TRRAP: variants seen among roughly 807,000 people sequenced by gnomAD.
The protein encoded by TRRAP is transformation/transcription domain-associated protein.
Under a neutral mutation model 438.8 loss-of-function variants are expected in TRRAP, and 41 were observed. The ratio of observed to expected loss-of-function variants is 0.09; its 90% CI spans 0.07 to 0.12. The LOEUF (loss-of-function observed/expected upper bound fraction) is 0.12. Among genes scored for constraint, TRRAP ranks in the 10% least tolerant of loss-of-function variants. The pLI is 1.00. For synonymous variants in TRRAP, 1,994 were observed against 1,962.9 expected, an observed-to-expected ratio of 1.02 and a Z score of -0.42; for missense variants, 3,122 against 5,055.1, an observed-to-expected ratio of 0.62 and a Z score of 11.60.
At chr7:98,918,949 C>T (rs1291886298) in intron 20 of TRRAP, among the ~76,000 whole-genome samples, 1 of 141,294 alleles carries the variant, frequency 7.1e-6, no homozygotes, top group African/African-American at 2.7e-5. Context: ...CCCAGCTACT[C>T]AGGAGGCTGA....
At chr7:99,009,436 C>T (rs1247324618) in intron 70 of TRRAP, among the ~76,000 whole-genome samples, 3 of 152,118 alleles carry the variant, frequency 2.0e-5, no homozygotes, top group African/African-American at 4.8e-5. Flanking sequence ...CGGCAGGGCC[C>T]GAGGTATTCC....
intron 52 of TRRAP, among the ~76,000 whole-genome samples, chr7:98,971,027 C>T (rs1439222071): frequency 1.3e-5 from 2 of 152,262 alleles, no homozygotes; most frequent in Middle Eastern, 3.4e-3. Context: ...CTGTGTGGAG[C>T]GTTGCGTCTT....
chr7:98,926,883 G>T (rs1790072728), intron 22 of TRRAP, among the ~76,000 whole-genome samples: 1 of 152,050 alleles, frequency 6.6e-6, no homozygotes, highest in South Asian at 2.1e-4. Flanking sequence ...GCTGGGCGTG[G>T]TGGTGGGCAC....
At chr7:98,944,281 T>A (rs973816054) in intron 31 of TRRAP, among the ~76,000 whole-genome samples, 16 of 151,310 alleles carry the variant, frequency 1.1e-4, no homozygotes, top group Admixed American at 1.3e-4. Context: ...AATAAACATT[T>A]AAAAAAAAAC....
chr7:98,990,585 C>T lies in TRRAP; in HGVS notation c.9722C>T (p.Ser3241Leu), dbSNP rs1793388585. The T allele has an allele frequency of 3.7e-6, 6 of 1,613,954 alleles. No individual in the cohort carries two copies. Among genetic ancestry groups the T allele is most frequent in the Non-Finnish European group, 5.1e-6 (6 of 1,179,864 alleles). ...IPQLLTCLVGSEGKLLLNLIS... is the reference protein window; with the variant it reads ...IPQLLTCLVGLEGKLLLNLIS... The stretch of plus-strand genomic sequence containing the variant: ...CAGCTGCTCACCTGCCTGGTTGGCT[C>T]GGAGGGAAAGCTGCTCTTGAACCTC... The change falls in exon 64 of 73, where the codon TCG becomes TTG. Residue 3241 changes from serine (S) to leucine (L), a missense_variant. Transcript: ENST00000456197.
In TRRAP at chr7:98,900,610, CTCT is replaced by C. The variant is rs1466194683; in HGVS notation, c.801-9_801-7del. ...ATAATTGAGAGGTAATATTTTTGTT[CTCT>C]TCTTATTCAGGCAACATAAGCTTTA... On this transcript the variant is annotated splice_polypyrimidine_tract_variant and intron_variant, in intron 10 of 72. Transcript: ENST00000456197. 1.6e-5 allele frequency: 25 copies of C among 1,598,666 alleles called. No homozygotes were observed. Among genetic ancestry groups the C allele is most frequent in the Admixed American group, 5.3e-5 (3 of 56,412 alleles).
intron 33 of TRRAP, among the ~76,000 whole-genome samples, chr7:98,946,632 C>A (rs1290878628): frequency 1.3e-5 from 2 of 151,736 alleles, no homozygotes; most frequent in African/African-American, 4.8e-5. Context: ...TGCACACACA[C>A]CACAATGCAC....
chr7:98,971,658 G>C (rs1036546046), intron 52 of TRRAP, 141 bp from the exon 53 acceptor site: 2 of 1,015,746 alleles, frequency 2.0e-6, no homozygotes, highest in African/African-American at 3.2e-5. Flanking sequence ...TAGGATTGAA[G>C]ATTATTTAAA....
At chr7:98,965,323 G>A (rs963147672) in intron 48 of TRRAP, among the ~76,000 whole-genome samples, 1 of 152,230 alleles carries the variant, frequency 6.6e-6, no homozygotes, top group Non-Finnish European at 1.5e-5. Context: ...CTCCAGAGCT[G>A]AGCAGTGGGC....
In TRRAP at chr7:98,929,870, G is replaced by T. The variant is rs191548122; in HGVS notation, c.3176-119G>T. 600 of 1,038,288 alleles carry T rather than the reference G, an allele frequency of 5.8e-4. 3 individuals are homozygous for T. The African/African-American group carries it at 6.5e-3, about 11-fold the overall frequency. The allele number at this position is 1,038,288 out of a possible 1,614,324, so 64.3% of individuals were successfully genotyped here. A position where few individuals can be genotyped will look rare whatever the true frequency, so the allele number is the denominator to read the frequency against. On this transcript the variant is annotated intron_variant, in intron 23 of 72. Coordinates refer to ENST00000456197, the MANE Select transcript of TRRAP (RefSeq NM_001375524.1). Reference sequence around the variant, plus strand: ...CGGCCTCCCAGAGTGCTGGGATTACGGGTGTGAGCCGCCGTGCCCTGCTTT... The same window carrying T: ...CGGCCTCCCAGAGTGCTGGGATTACTGGTGTGAGCCGCCGTGCCCTGCTTT...
In TRRAP at chr7:98,970,272, A is replaced by C; in HGVS notation, c.7673A>C (p.Asn2558Thr). The change falls in exon 52 of 73, where the codon AAC (asparagine) becomes ACC (threonine). Residue 2558 changes from asparagine (N) to threonine (T), a missense_variant. Asn to Thr is a moderately conservative substitution (Grantham distance 65). Transcript: ENST00000456197. ...AAGCAGGAGCCCCGGGAGCGGGAGA[A>C]CAGCGAGTCCAAAGAGGAGGTGAGG... ...HVKQEPRERE[N>T]SESKEEDVEI... is the part of the protein sequence containing the mutation. 2 of 1,612,764 alleles carry C rather than the reference A, an allele frequency of 1.2e-6. No individual in the cohort carries two copies. The highest frequency in any genetic ancestry group is 1.7e-6 in the Non-Finnish European group (2 of 1,180,006).
chr7:98,894,492 A>G (rs1170540607), intron 6 of TRRAP, among the ~76,000 whole-genome samples: 2 of 152,150 alleles, frequency 1.3e-5, no homozygotes, highest in African/African-American at 4.8e-5. Flanking sequence ...AAAATTAAAA[A>G]TTATTTATTG....
At chr7:98,892,400 C>T (rs540896776) in intron 4 of TRRAP, 24 bp from the exon 5 acceptor site, 3 of 1,572,872 alleles carry the variant, frequency 1.9e-6, no homozygotes, top group African/African-American at 2.7e-5. Context: ...TTTATCCTTA[C>T]ATTTATTTAT....
At chr7:99,002,888 A>G (rs1010465223) in intron 67 of TRRAP, among the ~76,000 whole-genome samples, 3 of 152,216 alleles carry the variant, frequency 2.0e-5, no homozygotes, top group African/African-American at 7.2e-5. Flanking sequence ...TGTTATGCCC[A>G]GCGCCTCATG....
intron 11 of TRRAP, among the ~76,000 whole-genome samples, chr7:98,901,284 C>A (rs1796454512): frequency 6.6e-6 from 1 of 152,188 alleles, no homozygotes; most frequent in South Asian, 2.1e-4. Context: ...AGGGAGAGTT[C>A]TCTCCTCCTC....
In TRRAP at chr7:98,970,169, A is replaced by G; in HGVS notation, c.7570A>G (p.Met2524Val). The change falls in exon 52 of 73, where the codon ATG becomes GTG. Residue 2524 changes from methionine (M) to valine (V), a missense_variant. Around this residue, in one of 24 missense-constraint regions of TRRAP, gnomAD observed 992 missense variants for 1,281.2 expected, o/e 0.77. Coordinates refer to ENST00000456197, the MANE Select transcript of TRRAP (RefSeq NM_001375524.1). ...TPIGTSCQGAMLPSITNVINL... is the reference protein window; with the variant it reads ...TPIGTSCQGAVLPSITNVINL... ...CATTGGCACCAGCTGCCAAGGAGCC[A>G]TGCTCCCGTCCATCACCAACGTCAT... 1 of 1,613,962 alleles carries G rather than the reference A, an allele frequency of 6.2e-7. No individual in the cohort carries two copies. The highest frequency in any genetic ancestry group is 8.5e-7 in the Non-Finnish European group (1 of 1,180,020).
At chr7:98,949,271 C>A in intron 35 of TRRAP, 146 bp from the exon 36 acceptor site, 2 of 952,638 alleles carry the variant, frequency 2.1e-6, no homozygotes, top group South Asian at 4.0e-5. Context: ...TTTTAAAAAG[C>A]ATGCGTGTGG....
Position 98,976,805 on chromosome 7 carries a change from C to A in TRRAP, c.8247+35C>A. ...CGCCTCAGTTTGTTAATTACCTCTT[C>A]CCTGCCAGTGACTTCACACTTTAAA... On this transcript the variant is annotated intron_variant, in intron 55 of 72. Transcript: ENST00000456197. The surrounding 1 kb of genome is among the most constrained non-coding windows in gnomAD (Gnocchi z 4.6). 1 of 1,605,772 alleles carries A rather than the reference C, an allele frequency of 6.2e-7. No individual in the cohort carries two copies. The highest frequency in any genetic ancestry group is 1.1e-5 in the South Asian group (1 of 90,616).
Position 98,951,132 on chromosome 7 carries a change from C to T in TRRAP, c.5463+128C>T, listed in dbSNP as rs1463305235. The T allele has an allele frequency of 2.2e-5, 25 of 1,156,078 alleles. No homozygotes were observed. In the East Asian group the frequency reaches 6.1e-4, roughly 28 times the overall value. 71.6% of individuals were successfully genotyped at this position (1,156,078 alleles called of 1,614,324 possible). ...TTGAAATAAGTTTGTTCCGCCAACA[C>T]GTTTATTTTTCATGATTGTGTTAGT... On this transcript the variant is annotated intron_variant, in intron 39 of 72. Coordinates refer to ENST00000456197, the MANE Select transcript of TRRAP (RefSeq NM_001375524.1).
Sources: gnomAD v4.1 joint callset for allele counts (sites outside exome capture counted in the v4.1 genomes callset) on GRCh38, gnomAD v4.1.1 for gene constraint, gnomAD v4.1.1 regional missense constraint, Gnocchi (gnomAD v3.1) non-coding constraint, MANE v1.5 for transcripts, NCBI Gene and HGNC (gene_info 2026-07-23, HGNC 2026-07-21) for gene names.